The following SLC40A1 variants were observed in gnomAD, a reference collection of about 807,000 sequenced individuals.
SLC40A1 encodes ferroportin.
SLC40A1 carries 16 observed loss-of-function variants against 53.5 expected under a neutral mutation model. The observed-to-expected ratio is 0.30, with a 90% CI of 0.20 to 0.45. The LOEUF (loss-of-function observed/expected upper bound fraction) is 0.45. SLC40A1 is among the 20% of genes least tolerant of loss of function. SLC40A1 has a pLI of 1.00. For synonymous variants in SLC40A1, 247 were observed against 253.2 expected (o/e 0.98, Z 0.23); for missense variants, 545 against 695.4 (o/e 0.78, Z 2.43).
In SLC40A1 at chr2:189,565,467, A is replaced by G; in HGVS notation, c.647T>C (p.Met216Thr). The change falls in exon 6 of 8, where the codon ATG (methionine) becomes ACG (threonine). Residue 216 changes from methionine to threonine, a missense_variant. Met to Thr is a moderately conservative substitution (Grantham distance 81, BLOSUM62 -1). Coordinates refer to ENST00000261024, the MANE Select transcript of SLC40A1 (RefSeq NM_014585.6). The part of the protein sequence containing the change: ...GFISGWNLVS[M>T]CVEYVLLWKV... The stretch of plus-strand genomic sequence containing the variant: ...CCAGAGCAGAACGTACTCCACGCAC[A>G]TGGATACCAAGTTCCATCCCGAAAT... 3 of 1,614,278 alleles carry G rather than the reference A, an allele frequency of 1.9e-6. No individual in the cohort carries two copies. The highest frequency in any genetic ancestry group is 2.5e-6 in the Non-Finnish European group (3 of 1,180,048).
intron 2 of SLC40A1, chr2:189,578,154 T>C: frequency 1.1e-6 from 1 of 928,976 alleles, no homozygotes; most frequent in Non-Finnish European, 1.3e-6. Flanking sequence ...GAAACATAAA[T>C]GTTTTGTTGT....
In SLC40A1 at chr2:189,571,770, T is replaced by G. The variant is rs779234319; in HGVS notation, c.459A>C (p.Thr153=). 1.2e-6 allele frequency: 2 copies of G among 1,613,384 alleles called. No homozygotes were observed. Among genetic ancestry groups the G allele is most frequent in the Admixed American group, 3.3e-5 (2 of 60,012 alleles). The part of the protein sequence containing the change: ...ANLASTATAI[T]IQRDWIVVVA... ...CAACAACAATCCAATCCCTTTGGAT[T>G]GTGATTGCAGTAGCAGTACTGGCCA... The change falls in exon 5 of 8, where the codon ACA becomes ACC. Residue 153 remains threonine, a synonymous_variant. Coordinates refer to ENST00000261024, the MANE Select transcript of SLC40A1 (RefSeq NM_014585.6).
intron 1 of SLC40A1, 75 bp downstream of exon 1, chr2:189,580,343 G>A (rs920248225): frequency 7.0e-7 from 1 of 1,420,492 alleles, no homozygotes; most frequent in Non-Finnish European, 9.9e-7. Flanking sequence ...CATTCCTCCA[G>A]AACTCGTGTA....
intron 5 of SLC40A1, among the ~76,000 whole-genome samples, chr2:189,570,002 GTA>G (rs35375140): frequency 6.0e-4 from 79 of 130,840 alleles, no homozygotes; most frequent in African/African-American, 2.0e-3. Flanking sequence ...ATATATGTAT[GTA>G]TATATATATA....
chr2:189,565,109 T>C (rs1303254141), intron 6 of SLC40A1, among the ~76,000 whole-genome samples: 1 of 152,132 alleles, frequency 6.6e-6, no homozygotes, highest in African/African-American at 2.4e-5. Flanking sequence ...TGAACCTCTA[T>C]AACTACTGCT....
chr2:189,580,703 T>A lies in SLC40A1; in HGVS notation c.-243A>T. 7.0e-7 allele frequency: 1 copy of A among 1,435,314 alleles called. No homozygotes were observed. The highest frequency in any genetic ancestry group is 9.1e-7 in the Non-Finnish European group (1 of 1,095,144). 88.9% of individuals were successfully genotyped at this position (1,435,314 alleles called of 1,614,324 possible). On this transcript the variant is annotated 5_prime_UTR_variant, in exon 1 of 8. It adds an upstream start codon to the 5' untranslated region. Coordinates refer to ENST00000261024, the MANE Select transcript of SLC40A1 (RefSeq NM_014585.6). ...TAGCTGAAGTTGGAAAGGCAAAGCC[T>A]TATGGAAGCGGTTTGGGAGGCTCAG...
At chr2:189,579,732 G>T in intron 2 of SLC40A1, 81 bp downstream of exon 2, 2 of 1,221,738 alleles carry the variant, frequency 1.6e-6, no homozygotes, top group Non-Finnish European at 2.4e-6. Flanking sequence ...AAAACTGGAA[G>T]TTGGCTTAAT....
At position 189,564,089 on chromosome 2, in the gene SLC40A1, C is replaced by A. The variant is rs774496105; in HGVS notation, c.897G>T (p.Trp299Cys). The A allele has an allele frequency of 5.0e-6, 8 of 1,610,400 alleles. No homozygotes were observed. The highest frequency in any genetic ancestry group is 2.7e-5 in the African/African-American group (2 of 74,714). Reference sequence around the variant, plus strand: ...ACACAGGCTGGTTGTAGTAGGAGACCCATCCATCTCGGAAGGTACGGAAGG... The same window carrying A: ...ACACAGGCTGGTTGTAGTAGGAGACACATCCATCTCGGAAGGTACGGAAGG... ...AEPFRTFRDG[W>C]VSYYNQPVFL... The change falls in exon 7 of 8, where the codon TGG becomes TGT. Residue 299 changes from tryptophan (W) to cysteine (C), a missense_variant. Physicochemically the swap from Trp to Cys is radical, Grantham distance 215 (BLOSUM62 -2). Transcript: ENST00000261024.
chr2:189,573,030 A>G, intron 3 of SLC40A1, 69 bp from the exon 4 acceptor site: 1 of 1,051,182 alleles, frequency 9.5e-7, no homozygotes. Context: ...TTATCCACAC[A>G]TAATTGTTCT....
At position 189,580,307 on chromosome 2, in the gene SLC40A1, C is replaced by A; in HGVS notation, c.43+111G>T. Reference sequence around the variant, plus strand: ...AAATATGAGTCAAAGGATCTTTTTACAAAGCTATGGTTCACAGCAGAGCCA... The same window carrying A: ...AAATATGAGTCAAAGGATCTTTTTAAAAAGCTATGGTTCACAGCAGAGCCA... On this transcript the variant is annotated intron_variant, in intron 1 of 7. Transcript: ENST00000261024. The A allele has an allele frequency of 2.6e-6, 3 of 1,141,066 alleles. No individual in the cohort carries two copies. In the East Asian group the frequency reaches 7.0e-5, roughly 27 times the overall value. The allele number at this position is 1,141,066 out of a possible 1,614,324, so 70.7% of individuals were successfully genotyped here. A position where few individuals can be genotyped will look rare whatever the true frequency, so the allele number is the denominator to read the frequency against.
chr2:189,562,100 G>A lies in SLC40A1; in HGVS notation c.1494C>T (p.Ser498=). ...ERGIINGVQN[S]MNYLLDLLHF... Reference sequence around the variant, plus strand: ...GCAGAAGATCAAGAAGATAGTTCATGGAGTTCTGTACACCATTTATAATGC... The same window carrying A: ...GCAGAAGATCAAGAAGATAGTTCATAGAGTTCTGTACACCATTTATAATGC... Residue 498 remains serine, a synonymous_variant, in exon 8 of 8, where the codon TCC becomes TCT. Coordinates refer to ENST00000261024, the MANE Select transcript of SLC40A1 (RefSeq NM_014585.6). 6.2e-7 allele frequency: 1 copy of A among 1,613,810 alleles called. No homozygotes were observed. The highest frequency in any genetic ancestry group is 8.5e-7 in the Non-Finnish European group (1 of 1,179,754).
intron 2 of SLC40A1, among the ~76,000 whole-genome samples, chr2:189,577,736 T>C (rs999027389): frequency 6.6e-6 from 1 of 151,224 alleles, no homozygotes; most frequent in Non-Finnish European, 1.5e-5. Flanking sequence ...CACCTCAGCC[T>C]CTCAGTAGCT....
rs746284851 is a variant in SLC40A1 at position 189,565,389 on chromosome 2, T to C, written c.725A>G (p.Glu242Gly). 3 of 1,614,264 alleles carry C rather than the reference T, an allele frequency of 1.9e-6. No individual in the cohort carries two copies. The highest frequency in any genetic ancestry group is 1.7e-5 in the Admixed American group (1 of 60,030). ...ALAVKAGLKEEETELKQLNLH... is the reference protein window; with the variant it reads ...ALAVKAGLKEGETELKQLNLH... ...ATTCAGCTGTTTCAATTCAGTTTCC[T>C]CTTCTTTAAGACCAGCTTTCACAGC... The change falls in exon 6 of 8, where the codon GAG (glutamate) becomes GGG (glycine). Residue 242 changes from glutamate (E) to glycine (G), a missense_variant. Physicochemically the swap from Glu to Gly is moderately conservative, Grantham distance 98. This residue lies in a region of SLC40A1 where 107 missense variants were observed against 91.0 expected (regional missense o/e 1.18). Coordinates refer to ENST00000261024, the MANE Select transcript of SLC40A1 (RefSeq NM_014585.6).
chr2:189,567,177 C>T (rs1226423117), intron 5 of SLC40A1, among the ~76,000 whole-genome samples: 2 of 152,094 alleles, frequency 1.3e-5, no homozygotes, highest in African/African-American at 4.8e-5. Context: ...TAGGTGCCAA[C>T]CACATGGATT....
rs1217892135 is a variant in SLC40A1, at chr2:189,563,821, T to C, written c.1165A>G (p.Ile389Val). Residue 389 changes from isoleucine (I) to valine (V), a missense_variant, in exon 7 of 8, where the codon ATC becomes GTC. Around this residue, in one of 4 missense-constraint regions of SLC40A1, gnomAD observed 234 missense variants for 299.0 expected, o/e 0.78. Coordinates refer to ENST00000261024, the MANE Select transcript of SLC40A1 (RefSeq NM_014585.6). ...AQLSCLILCV[I>V]SVFMPGSPLD... Reference sequence around the variant, plus strand: ...GGGCTTCCAGGCATGAATACAGAGATCACACACAAGATCAAACAGGAAAGC... The same window carrying C: ...GGGCTTCCAGGCATGAATACAGAGACCACACACAAGATCAAACAGGAAAGC... The C allele has an allele frequency of 1.9e-6, 3 of 1,613,954 alleles. No individual in the cohort carries two copies. Among genetic ancestry groups the C allele is most frequent in the Non-Finnish European group, 2.5e-6 (3 of 1,180,014 alleles).
intron 7 of SLC40A1, among the ~76,000 whole-genome samples, chr2:189,562,713 C>T (rs960522765): frequency 6.6e-6 from 1 of 152,124 alleles, no homozygotes; most frequent in Non-Finnish European, 1.5e-5. Flanking sequence ...CATTTCAAGA[C>T]TGAATTCAGA....
chr2:189,577,438 C>G (rs1022936342), intron 2 of SLC40A1, among the ~76,000 whole-genome samples: 1 of 152,106 alleles, frequency 6.6e-6, no homozygotes. Flanking sequence ...GAAACGAGGG[C>G]TGGAGAAATG....
At position 189,572,851 on chromosome 2, in the gene SLC40A1, C is replaced by T. The variant is rs765633684; in HGVS notation, c.382G>A (p.Val128Ile). Residue 128 changes from valine to isoleucine, a missense_variant, in exon 4 of 8, where the codon GTT (valine) becomes ATT (isoleucine). Val to Ile is a conservative substitution (Grantham distance 29). Transcript: ENST00000261024. ...HELLTMYHGW[V>I]LTSCYILIIT... Reference sequence around the variant, plus strand: ...GAATCTCATTGAGAACTTACGAGAACCCATCCATGGTACATGGTCAGAAGC... The same window carrying T: ...GAATCTCATTGAGAACTTACGAGAATCCATCCATGGTACATGGTCAGAAGC... 6.9e-6 allele frequency: 11 copies of T among 1,605,558 alleles called. No homozygotes were observed. Among genetic ancestry groups the T allele is most frequent in the Admixed American group, 5.0e-5 (3 of 59,960 alleles).
At chr2:189,567,201 T>C (rs1574239920) in intron 5 of SLC40A1, among the ~76,000 whole-genome samples, 1 of 152,088 alleles carries the variant, frequency 6.6e-6, no homozygotes, top group Admixed American at 6.6e-5. Flanking sequence ...GAGGCTGTGG[T>C]AGTGAAGAAG....
Sources: allele counts gnomAD v4.1 joint callset (sites outside exome capture counted in the v4.1 genomes callset), GRCh38; gene constraint gnomAD v4.1.1; regional missense constraint gnomAD v4.1.1; transcripts MANE v1.5; gene names NCBI Gene and HGNC (gene_info 2026-07-23, HGNC 2026-07-21).